Variants in CECR2 observed in about 807,000 individuals in gnomAD.
CECR2 encodes the protein CECR2 histone acetyl-lysine reader, also known as chromatin remodeling regulator CECR2.
CECR2 carries 30 observed loss-of-function variants against 154.5 expected under a neutral mutation model. The observed-to-expected ratio is 0.19, with a 90% CI of 0.15 to 0.26. CECR2 has a LOEUF of 0.26. Ranked by LOEUF, CECR2 falls within the 10% of genes least tolerant of loss-of-function variation. The pLI, the probability that CECR2 is intolerant of heterozygous loss-of-function variation, is 1.00. For missense variants in CECR2, 1,743 were observed against 1,829.3 expected, an observed-to-expected ratio of 0.95 and a Z score of 0.86; for synonymous variants, 725 against 683.7, an observed-to-expected ratio of 1.06 and a Z score of -0.94.
At position 17,541,985 on chromosome 22, in the gene CECR2, G is replaced by A; in HGVS notation, c.2013+18G>A. 6.2e-7 allele frequency: 1 copy of A among 1,607,644 alleles called. No homozygotes were observed. The highest frequency in any genetic ancestry group is 1.7e-5 in the Admixed American group (1 of 58,752). On this transcript the variant is annotated intron_variant, in intron 15 of 18. Coordinates refer to ENST00000262608, the MANE Select transcript of CECR2 (RefSeq NM_001290047.2). ...CCATGCAGGTAAGCAGCCTACTCTG[G>A]AGGTGCAGGTGCAGGGGGTCCCACA...
At chr22:17,463,285 A>C (rs1356171543) in intron 1 of CECR2, among the ~76,000 whole-genome samples, 2 of 152,168 alleles carry the variant, frequency 1.3e-5, no homozygotes, top group Admixed American at 1.3e-4. Context: ...GAGGTCTTAG[A>C]GGTCATATAA....
At chr22:17,477,836 T>G (rs2055236044) in intron 2 of CECR2, among the ~76,000 whole-genome samples, 154 bp downstream of exon 2, 1 of 152,200 alleles carries the variant, frequency 6.6e-6, no homozygotes, top group Admixed American at 6.5e-5. Flanking sequence ...TTCCAGGCTG[T>G]GTTTGGCTTA....
intron 9 of CECR2, among the ~76,000 whole-genome samples, chr22:17,529,547 A>C (rs991998359): frequency 2.6e-5 from 4 of 152,138 alleles, no homozygotes; most frequent in African/African-American, 7.2e-5. Context: ...AAAAATACAA[A>C]AAATTAGCCA....
At chr22:17,408,707 C>T (rs1429811047) in intron 1 of CECR2, among the ~76,000 whole-genome samples, 1 of 152,214 alleles carries the variant, frequency 6.6e-6, no homozygotes, top group African/African-American at 2.4e-5. Context: ...CATGTTAGTT[C>T]ATCCCATAGC....
rs1424695050 is a variant in CECR2 at position 17,373,998 on chromosome 22, G to A, written c.126+4089G>A. 2.0e-5 allele frequency among the ~76,000 whole-genome samples: 3 copies of A among 152,198 alleles called. No homozygotes were observed. In the East Asian group the frequency reaches 5.8e-4, roughly 29 times the overall value. ...TGTTTTCCCCCTAGCCAAATGCGCTGTACAGTAAATACAGTGTCTCACTTG... is the reference window on the plus strand; with the variant it reads ...TGTTTTCCCCCTAGCCAAATGCGCTATACAGTAAATACAGTGTCTCACTTG... On this transcript the variant is annotated intron_variant, in intron 1 of 18. Coordinates refer to ENST00000262608, the MANE Select transcript of CECR2 (RefSeq NM_001290047.2).
chr22:17,451,103 C>A (rs1440572823), intron 1 of CECR2, among the ~76,000 whole-genome samples: 2 of 152,222 alleles, frequency 1.3e-5, no homozygotes, highest in African/African-American at 4.8e-5. Flanking sequence ...GTGATTTGCC[C>A]CCTGCCAGCT....
At chr22:17,428,062 T>C (rs2054358608) in intron 1 of CECR2, among the ~76,000 whole-genome samples, 1 of 152,244 alleles carries the variant, frequency 6.6e-6, no homozygotes. Context: ...TTGATTTGCA[T>C]TTCTCTGATG....
chr22:17,465,523 C>T (rs2055016675), intron 1 of CECR2, among the ~76,000 whole-genome samples: 1 of 151,882 alleles, frequency 6.6e-6, no homozygotes, highest in African/African-American at 2.4e-5. Flanking sequence ...CTTGCTCTGT[C>T]ACCCAGGCTG....
intron 1 of CECR2, among the ~76,000 whole-genome samples, chr22:17,435,684 T>TA (rs10694414): frequency 0.14 from 12,356 of 90,840 alleles, 1,204 homozygotes; most frequent in Non-Finnish European, 0.16. Flanking sequence ...TTTTAATTCT[T>TA]AAAAAAAAAA....
chr22:17,395,646 G>C (rs1385086432), intron 1 of CECR2, among the ~76,000 whole-genome samples: 1 of 152,052 alleles, frequency 6.6e-6, no homozygotes, highest in Non-Finnish European at 1.5e-5. Flanking sequence ...GTGCCCAGCT[G>C]ACATTTGACT....
chr22:17,431,217 ACT>A (rs1357246247), intron 1 of CECR2, among the ~76,000 whole-genome samples: 1 of 152,134 alleles, frequency 6.6e-6, no homozygotes, highest in African/African-American at 2.4e-5. Flanking sequence ...AGCTCTTACA[ACT>A]CTGATGTATG....
At chr22:17,497,982 A>G (rs1212262747) in intron 3 of CECR2, among the ~76,000 whole-genome samples, 2 of 152,158 alleles carry the variant, frequency 1.3e-5, no homozygotes, top group East Asian at 3.8e-4. Context: ...AGAACTTGAA[A>G]CCGTATATGT....
At chr22:17,495,614 G>A (rs1484752620) in intron 2 of CECR2, among the ~76,000 whole-genome samples, 1 of 146,478 alleles carries the variant, frequency 6.8e-6, no homozygotes, top group Non-Finnish European at 1.5e-5. Context: ...TGTAATCCCA[G>A]CACTTCGGGA....
chr22:17,542,706 C>T lies in CECR2; in HGVS notation c.2563C>T (p.Pro855Ser). Reference protein sequence around the residue: ...KSAGHRLQPPPVPAPSSLFGA... With the variant: ...KSAGHRLQPPSVPAPSSLFGA... ...TGCCGGACATCGGTTACAGCCACCT[C>T]CAGTGCCAGCACCCAGTTCTTTGTT... The change falls in exon 16 of 19, where the codon CCA (proline) becomes TCA (serine). Residue 855 changes from proline (P) to serine (S), a missense_variant. Pro to Ser is a moderately conservative substitution (Grantham distance 74). This residue lies in a region of CECR2 where 1,250 missense variants were observed against 1,192.1 expected (regional missense o/e 1.05). Transcript: ENST00000262608. The T allele has an allele frequency of 6.2e-7, 1 of 1,614,046 alleles. No homozygotes were observed. The highest frequency in any genetic ancestry group is 2.2e-5 in the East Asian group (1 of 44,888).
At chr22:17,414,636 G>A (rs1019715031) in intron 1 of CECR2, among the ~76,000 whole-genome samples, 4 of 151,538 alleles carry the variant, frequency 2.6e-5, no homozygotes, top group Non-Finnish European at 4.4e-5. Flanking sequence ...ATTTACATTA[G>A]GTATGTCTCC....
chr22:17,547,053 A>G (rs1195347215), intron 16 of CECR2, among the ~76,000 whole-genome samples: 1 of 151,104 alleles, frequency 6.6e-6, no homozygotes, highest in Non-Finnish European at 1.5e-5. Context: ...AAAAAAAAAA[A>G]AAAAAAGATT....
intron 13 of CECR2, among the ~76,000 whole-genome samples, chr22:17,539,399 G>T (rs2056486758): frequency 6.6e-6 from 1 of 152,164 alleles, no homozygotes; most frequent in Admixed American, 6.5e-5. Flanking sequence ...CCACCGAGGG[G>T]ACTGACCCTA....
At chr22:17,473,129 C>T (rs945211779) in intron 1 of CECR2, among the ~76,000 whole-genome samples, 3 of 152,106 alleles carry the variant, frequency 2.0e-5, no homozygotes, top group Admixed American at 1.3e-4. Flanking sequence ...GCTGCAAAGG[C>T]GGCAAATCCT....
intron 9 of CECR2, among the ~76,000 whole-genome samples, chr22:17,535,883 G>A (rs528544504): frequency 8.5e-5 from 13 of 152,168 alleles, no homozygotes; most frequent in Non-Finnish European, 1.5e-4. Flanking sequence ...AACAGGGATC[G>A]TGTCTTGCTC....
Sources: allele counts gnomAD v4.1 joint callset (sites outside exome capture counted in the v4.1 genomes callset), GRCh38; gene constraint gnomAD v4.1.1; regional missense constraint gnomAD v4.1.1; transcripts MANE v1.5; gene names NCBI Gene and HGNC (gene_info 2026-07-23, HGNC 2026-07-21).